The following MCTP1 variants were observed in gnomAD, a reference collection of about 807,000 sequenced individuals.
MCTP1 encodes the protein multiple C2 and transmembrane domain containing 1, also known as multiple C2 and transmembrane domain-containing protein 1.
Under a neutral mutation model 120.6 loss-of-function variants are expected in MCTP1, and 69 were observed. The observed-to-expected ratio is 0.57, with a 90% confidence interval of 0.47 to 0.70. MCTP1 has a LOEUF of 0.70. Among genes scored for constraint, MCTP1 ranks in the 30% least tolerant of loss-of-function variants. The pLI, the probability that MCTP1 is intolerant of heterozygous loss-of-function variation, is 0.00. For synonymous variants in MCTP1, 529 were observed against 493.1 expected (o/e 1.07, Z -0.96); for missense variants, 1,203 against 1,248.8 (o/e 0.96, Z 0.55).
At chr5:95,069,676 A>G (rs756722716) in intron 1 of MCTP1, among the ~76,000 whole-genome samples, 1 of 150,746 alleles carries the variant, frequency 6.6e-6, no homozygotes, top group Non-Finnish European at 1.5e-5. Context: ...TGCTTCAGAC[A>G]CAAAAACAAA....
At chr5:94,916,738 T>C (rs1026829506) in intron 8 of MCTP1, among the ~76,000 whole-genome samples, 1 of 152,216 alleles carries the variant, frequency 6.6e-6, no homozygotes, top group African/African-American at 2.4e-5. Context: ...GTGGCATTGA[T>C]GTCACCTGGG....
intron 17 of MCTP1, among the ~76,000 whole-genome samples, chr5:94,833,702 C>T (rs1159829917): frequency 6.6e-6 from 1 of 152,082 alleles, no homozygotes; most frequent in Non-Finnish European, 1.5e-5. Flanking sequence ...AGTTATTTTT[C>T]CCGTTTCTGT....
chr5:95,082,808 G>A (rs1001685317), intron 1 of MCTP1, among the ~76,000 whole-genome samples: 12 of 152,104 alleles, frequency 7.9e-5, no homozygotes, highest in Admixed American at 7.9e-4. Flanking sequence ...ATGGCTAGTG[G>A]CTACCATATT....
Position 94,871,407 on chromosome 5 carries a change from C to A in MCTP1, c.2047G>T (p.Asp683Tyr). ...GTCACTTCAAGAACTGAATGGATAT[C>A]TTTAATGTTGCTGCATAATAAATAT... ...WNKVFTFNIK[D>Y]IHSVLEVTVY... Residue 683 changes from aspartate (D) to tyrosine (Y), a missense_variant, in exon 14 of 23, where the codon GAT (aspartate) becomes TAT (tyrosine). This residue lies in a region of MCTP1 where 740 missense variants were observed against 871.1 expected (regional missense o/e 0.85). Transcript: ENST00000515393. The A allele has an allele frequency of 1.2e-6, 2 of 1,602,458 alleles. No homozygotes were observed. The highest frequency in any genetic ancestry group is 8.5e-7 in the Non-Finnish European group (1 of 1,169,854).
In MCTP1 at chr5:94,967,139, G is replaced by T. The variant is rs368301194; in HGVS notation, c.839-13778C>A. 1.2e-4 allele frequency among the ~76,000 whole-genome samples: 18 copies of T among 152,272 alleles called. No homozygotes were observed. In the East Asian group the frequency reaches 3.5e-3, roughly 29 times the overall value. ...ACTCAGATGTTAATCTTTTTGAGAA[G>T]CATTTTGCTTCTTGCTCCCTCCCAG... is the stretch of plus-strand genomic sequence containing the variant. On this transcript the variant is annotated intron_variant, in intron 2 of 22. Coordinates refer to ENST00000515393, the MANE Select transcript of MCTP1 (RefSeq NM_024717.7).
At chr5:94,838,207 C>T (rs1790242099) in intron 17 of MCTP1, among the ~76,000 whole-genome samples, 1 of 152,208 alleles carries the variant, frequency 6.6e-6, no homozygotes, top group South Asian at 2.1e-4. Context: ...GTACTTTACA[C>T]TTACCCAGCA....
rs1381357054 is a variant in MCTP1, at chr5:94,707,451, T to C, written c.*45A>G. ...CTGCTGAGGCTGAGGGCTTTTTCTT[T>C]TATCTTCCCAAACAGATGCTGGTCT... is the stretch of plus-strand genomic sequence containing the variant. On this transcript the variant is annotated 3_prime_UTR_variant, in exon 23 of 23. Transcript: ENST00000515393. 6.8e-7 allele frequency: 1 copy of C among 1,481,164 alleles called. No homozygotes were observed. Among genetic ancestry groups the C allele is most frequent in the South Asian group, 1.2e-5 (1 of 83,812 alleles). The allele number at this position is 1,481,164 out of a possible 1,614,324, so 91.8% of individuals were successfully genotyped here.
chr5:94,715,387 AAAC>A lies in MCTP1; in HGVS notation c.2611-504_2611-502del, dbSNP rs1395526643. Among the ~76,000 whole-genome samples the A allele has an allele frequency of 1.1e-3, 146 of 138,514 alleles. 1 individual carries two copies. Among genetic ancestry groups the A allele is most frequent in the Non-Finnish European group, 2.1e-3 (126 of 60,636 alleles). 90.9% of individuals were successfully genotyped at this position (138,514 alleles called of 152,430 possible). On this transcript the variant is annotated intron_variant, in intron 19 of 22. Coordinates refer to ENST00000515393, the MANE Select transcript of MCTP1 (RefSeq NM_024717.7). Reference sequence around the variant, plus strand: ...ACAAAAAAAAAAAAAAAAAAAAAAAAAACACCACCACCAAAACCTGGAATCCAC... The same window carrying A: ...ACAAAAAAAAAAAAAAAAAAAAAAAAACCACCACCAAAACCTGGAATCCAC...
intron 2 of MCTP1, among the ~76,000 whole-genome samples, chr5:94,973,264 T>G (rs866814232): frequency 6.6e-6 from 1 of 152,176 alleles, no homozygotes; most frequent in Non-Finnish European, 1.5e-5. Flanking sequence ...CTGTGATGCC[T>G]AACCATCGTC....
chr5:94,774,440 G>A (rs1443766006), intron 19 of MCTP1, among the ~76,000 whole-genome samples: 1 of 152,130 alleles, frequency 6.6e-6, no homozygotes, highest in Non-Finnish European at 1.5e-5. Context: ...AAAGATGGAG[G>A]AAGCCATGGA....
At chr5:95,013,135 C>T (rs531978871) in intron 2 of MCTP1, among the ~76,000 whole-genome samples, 47 of 152,228 alleles carry the variant, frequency 3.1e-4, no homozygotes, top group Middle Eastern at 3.4e-3. Flanking sequence ...CTAGCCACAA[C>T]GTTCCCTTAA....
intron 2 of MCTP1, among the ~76,000 whole-genome samples, chr5:94,983,420 C>A (rs73136102): frequency 0.035 from 5,342 of 152,216 alleles, 292 homozygotes; most frequent in African/African-American, 0.12. Flanking sequence ...AGCTGAAAGT[C>A]TTTTATTAGG....
intron 2 of MCTP1, among the ~76,000 whole-genome samples, chr5:94,984,145 G>A (rs1339821119): frequency 3.3e-5 from 5 of 152,116 alleles, no homozygotes; most frequent in African/African-American, 9.7e-5. Flanking sequence ...TGAATCAGAT[G>A]TCAGTATCCT....
chr5:95,238,036 G>A (rs1755744545), intron 1 of MCTP1, among the ~76,000 whole-genome samples: 1 of 152,082 alleles, frequency 6.6e-6, no homozygotes, highest in African/African-American at 2.4e-5. Context: ...ATCTATGAAA[G>A]GCCAACTCAT....
chr5:95,006,238 T>C (rs1225039123), intron 2 of MCTP1, among the ~76,000 whole-genome samples: 1 of 152,044 alleles, frequency 6.6e-6, no homozygotes, highest in East Asian at 1.9e-4. Flanking sequence ...CTTTTATATA[T>C]GTATATACAC....
intron 1 of MCTP1, among the ~76,000 whole-genome samples, chr5:95,180,813 G>C (rs1425167549): frequency 6.6e-6 from 1 of 152,068 alleles, no homozygotes; most frequent in Non-Finnish European, 1.5e-5. Flanking sequence ...TCCCTTCCCA[G>C]CTGCTGCTTC....
In MCTP1 at chr5:94,776,975, C is replaced by T. The variant is rs1052235694; in HGVS notation, c.2610+2135G>A. On this transcript the variant is annotated intron_variant, in intron 19 of 22. Transcript: ENST00000515393. ...GATTCTTCCCTCTATTATTCAAGCA[C>T]TTAAAAGCCTACTGTAAATTATTAC... Among the ~76,000 whole-genome samples the T allele has an allele frequency of 2.0e-5, 3 of 152,114 alleles. No homozygotes were observed. In the East Asian group the frequency reaches 5.8e-4, roughly 29 times the overall value.
intron 19 of MCTP1, among the ~76,000 whole-genome samples, chr5:94,754,226 A>G (rs1217598402): frequency 6.6e-6 from 1 of 152,212 alleles, no homozygotes; most frequent in Non-Finnish European, 1.5e-5. Flanking sequence ...TACAAATTTA[A>G]GTAGATTCCT....
intron 2 of MCTP1, among the ~76,000 whole-genome samples, chr5:95,011,828 A>T (rs1836028202): frequency 6.6e-6 from 1 of 152,076 alleles, no homozygotes; most frequent in South Asian, 2.1e-4. Flanking sequence ...TTTTTGCTGA[A>T]ATTGTCCCAG....
Sources: allele counts gnomAD v4.1 joint callset (sites outside exome capture counted in the v4.1 genomes callset), GRCh38; gene constraint gnomAD v4.1.1; regional missense constraint gnomAD v4.1.1; transcripts MANE v1.5; gene names NCBI Gene and HGNC (gene_info 2026-07-23, HGNC 2026-07-21).